Variants in RAB3C observed in about 807,000 individuals in gnomAD.
The protein encoded by RAB3C is RAB3C, member RAS oncogene family, also known as ras-related protein Rab-3C.
RAB3C carries 17 observed loss-of-function variants against 26.4 expected under a neutral mutation model. The ratio of observed to expected loss-of-function variants is 0.64; its 90% CI spans 0.44 to 0.97. RAB3C has a LOEUF of 0.97. Among genes scored for constraint, RAB3C ranks in the 50% least tolerant of loss-of-function variants. RAB3C has a pLI of 0.00. For synonymous variants in RAB3C, 91 were observed against 95.9 expected (o/e 0.95, Z 0.30); for missense variants, 242 against 281.9 (o/e 0.86, Z 1.01).
chr5:58,636,753 C>T (rs375371551), intron 2 of RAB3C, among the ~76,000 whole-genome samples: 1 of 152,046 alleles, frequency 6.6e-6, no homozygotes, highest in Non-Finnish European at 1.5e-5. Context: ...TTTTCGTTCC[C>T]GAAGAACATT....
At position 58,617,653 on chromosome 5, in the gene RAB3C, C is replaced by A; in HGVS notation, c.35C>A (p.Ala12Asp). 6.2e-7 allele frequency: 1 copy of A among 1,612,520 alleles called. No homozygotes were observed. The highest frequency in any genetic ancestry group is 2.2e-5 in the East Asian group (1 of 44,848). ...TTGTTTTTATCACAGATGGCCTCTG[C>A]CCAAGATGCCAGGTACGGCCAGAAA... is the stretch of plus-strand genomic sequence containing the variant. ...RHEAPMQMAS[A>D]QDARYGQKDS... The change falls in exon 2 of 5, where the codon GCC becomes GAC. Residue 12 changes from alanine (A) to aspartate (D), a missense_variant. By Grantham distance (126) the Ala-to-Asp change is moderately radical (BLOSUM62 -2). Coordinates refer to ENST00000282878, the MANE Select transcript of RAB3C (RefSeq NM_138453.4).
Position 58,640,507 on chromosome 5 carries a change from C to T in RAB3C, c.252+22637C>T, listed in dbSNP as rs77012456. On this transcript the variant is annotated intron_variant, in intron 2 of 4. Coordinates refer to ENST00000282878, the MANE Select transcript of RAB3C (RefSeq NM_138453.4). ...CACAAATGCCAGGAAAGTTGGCAAT[C>T]ACCATTGTAGAGAGTGCTCCATTAA... Among the ~76,000 whole-genome samples, 7 of 152,302 alleles carry T rather than the reference C, an allele frequency of 4.6e-5. No individual in the cohort carries two copies. The East Asian group carries it at 1.3e-3, about 29-fold the overall frequency.
chr5:58,697,172 C>T (rs577579216), intron 2 of RAB3C, among the ~76,000 whole-genome samples: 70 of 152,214 alleles, frequency 4.6e-4, no homozygotes, highest in Non-Finnish European at 9.0e-4. Context: ...ACCTTCATTT[C>T]GTTATTTACC....
intron 2 of RAB3C, among the ~76,000 whole-genome samples, chr5:58,723,609 A>G (rs984151915): frequency 6.6e-6 from 1 of 151,804 alleles, no homozygotes; most frequent in African/African-American, 2.4e-5. Flanking sequence ...GTAAGCATCT[A>G]AGCAGGTACA....
intron 3 of RAB3C, among the ~76,000 whole-genome samples, chr5:58,800,783 C>T (rs1361522695): frequency 1.3e-5 from 2 of 152,132 alleles, no homozygotes; most frequent in Non-Finnish European, 2.9e-5. Context: ...CCCCAGGGTG[C>T]CAAGTGTAGC....
At chr5:58,662,090 C>A (rs1018445617) in intron 2 of RAB3C, among the ~76,000 whole-genome samples, 8 of 149,792 alleles carry the variant, frequency 5.3e-5, no homozygotes, top group Non-Finnish European at 5.9e-5. Context: ...TCTTTTACAT[C>A]AGCTCTTGTG....
At chr5:58,845,375 C>T (rs1743965467) in intron 4 of RAB3C, among the ~76,000 whole-genome samples, 2 of 151,886 alleles carry the variant, frequency 1.3e-5, no homozygotes, top group South Asian at 4.1e-4. Context: ...TTAGAATGCC[C>T]TCCTTGAAAA....
intron 3 of RAB3C, among the ~76,000 whole-genome samples, chr5:58,824,382 A>G (rs906594456): frequency 6.6e-6 from 1 of 152,198 alleles, no homozygotes; most frequent in African/African-American, 2.4e-5. Context: ...CTTATTCTAA[A>G]TTCTAAATAT....
At position 58,627,517 on chromosome 5, in the gene RAB3C, A is replaced by C. The variant is rs949986094; in HGVS notation, c.252+9647A>C. 6.5e-4 allele frequency among the ~76,000 whole-genome samples: 91 copies of C among 140,144 alleles called. 13 individuals carry two copies. Among genetic ancestry groups the C allele is most frequent in the Non-Finnish European group, 1.1e-3 (70 of 62,884 alleles). The allele number at this position is 140,144 out of a possible 152,430, so 91.9% of individuals were successfully genotyped here. ...AAAAAAAAAAAAAAAAAAAAAAAAA[A>C]AACACAGCTTAAATTCGGTGCAAAT... On this transcript the variant is annotated intron_variant, in intron 2 of 4. Transcript: ENST00000282878.
At chr5:58,609,331 T>A (rs1746642468) in intron 1 of RAB3C, among the ~76,000 whole-genome samples, 1 of 152,084 alleles carries the variant, frequency 6.6e-6, no homozygotes, top group African/African-American at 2.4e-5. Context: ...TAGCAGGTCC[T>A]CCAGTGAAGA....
chr5:58,783,587 G>A (rs947091922), intron 3 of RAB3C, among the ~76,000 whole-genome samples: 8 of 152,224 alleles, frequency 5.3e-5, no homozygotes, highest in African/African-American at 1.4e-4. Flanking sequence ...ACTTTGCACC[G>A]AGGGAGCAAA....
rs183865047 is a variant in RAB3C at position 58,713,669 on chromosome 5, A to C, written c.253-12333A>C. Among the ~76,000 whole-genome samples, 4 of 152,338 alleles carry C rather than the reference A, an allele frequency of 2.6e-5. No individual in the cohort carries two copies. The East Asian group carries it at 7.7e-4, about 29-fold the overall frequency. On this transcript the variant is annotated intron_variant, in intron 2 of 4. Transcript: ENST00000282878. Reference sequence around the variant, plus strand: ...TAGAATTGACAATGGTAATATAACAAGAATCTTTAAAATACATCAGAAATT... The same window carrying C: ...TAGAATTGACAATGGTAATATAACACGAATCTTTAAAATACATCAGAAATT...
At chr5:58,590,913 A>G (rs1746115464) in intron 1 of RAB3C, among the ~76,000 whole-genome samples, 1 of 152,116 alleles carries the variant, frequency 6.6e-6, no homozygotes, top group Non-Finnish European at 1.5e-5. Flanking sequence ...ATTTCCCTCT[A>G]AGTACTGCTT....
chr5:58,659,231 C>T (rs1218468776), intron 2 of RAB3C, among the ~76,000 whole-genome samples: 1 of 152,170 alleles, frequency 6.6e-6, no homozygotes, highest in Non-Finnish European at 1.5e-5. Context: ...TATATATACA[C>T]ATGCACATAT....
At chr5:58,770,916 A>C (rs1395002863) in intron 3 of RAB3C, among the ~76,000 whole-genome samples, 1 of 152,198 alleles carries the variant, frequency 6.6e-6, no homozygotes, top group Non-Finnish European at 1.5e-5. Flanking sequence ...CATGTACATT[A>C]CAGAATACTT....
chr5:58,751,515 G>T (rs10041999), intron 3 of RAB3C, among the ~76,000 whole-genome samples: 6,969 of 152,228 alleles, frequency 0.046, 563 homozygotes, highest in African/African-American at 0.16. Context: ...CGGAAGCCAT[G>T]AACATGATAT....
At chr5:58,739,172 A>G (rs1741220751) in intron 3 of RAB3C, among the ~76,000 whole-genome samples, 1 of 152,216 alleles carries the variant, frequency 6.6e-6, no homozygotes, top group South Asian at 2.1e-4. Flanking sequence ...TACACTGTCC[A>G]TCAAGTCTGC....
chr5:58,703,634 T>C (rs1748891328), intron 2 of RAB3C, among the ~76,000 whole-genome samples: 1 of 152,236 alleles, frequency 6.6e-6, no homozygotes, highest in African/African-American at 2.4e-5. Flanking sequence ...TAGTCCATTC[T>C]CAAAGTGAGG....
chr5:58,655,091 T>A (rs1747739971), intron 2 of RAB3C, among the ~76,000 whole-genome samples: 1 of 152,224 alleles, frequency 6.6e-6, no homozygotes. Flanking sequence ...ATGATCAGGG[T>A]TGCTAAATAC....
Sources: gnomAD v4.1 joint callset for allele counts (sites outside exome capture counted in the v4.1 genomes callset) on GRCh38, gnomAD v4.1.1 for gene constraint, MANE v1.5 for transcripts, NCBI Gene and HGNC (gene_info 2026-07-23, HGNC 2026-07-21) for gene names.